Variants in MGAT4C observed in about 807,000 individuals in gnomAD.
The protein encoded by MGAT4C is alpha-1,3-mannosyl-glycoprotein 4-beta-N-acetylglucosaminyltransferase C.
Under a neutral mutation model 40.1 loss-of-function variants are expected in MGAT4C, and 19 were observed. That is an observed-to-expected ratio of 0.47 (90% CI 0.33 to 0.70). The LOEUF (loss-of-function observed/expected upper bound fraction) is 0.70. MGAT4C is among the 30% of genes least tolerant of loss of function. MGAT4C has a pLI of 0.02. For synonymous variants in MGAT4C, 181 were observed against 187.1 expected, an observed-to-expected ratio of 0.97 and a Z score of 0.27; for missense variants, 491 against 563.2, an observed-to-expected ratio of 0.87 and a Z score of 1.30.
At chr12:86,727,746 CTTTT>C (rs1950846473) in intron 1 of MGAT4C, among the ~76,000 whole-genome samples, 1 of 151,770 alleles carries the variant, frequency 6.6e-6, no homozygotes, top group South Asian at 2.1e-4. Context: ...CTTTTTAAAA[CTTTT>C]TATTATTTTC....
At chr12:86,481,550 T>C (rs1335035264) in intron 2 of MGAT4C, among the ~76,000 whole-genome samples, 1 of 152,042 alleles carries the variant, frequency 6.6e-6, no homozygotes, top group Non-Finnish European at 1.5e-5. Flanking sequence ...ATAGCAGTAT[T>C]ATTTGCATAC....
intron 2 of MGAT4C, among the ~76,000 whole-genome samples, chr12:86,707,761 G>A (rs1248118356): frequency 1.3e-5 from 2 of 151,910 alleles, no homozygotes; most frequent in Non-Finnish European, 2.9e-5. Context: ...AAACTCCTGA[G>A]CTCAGGCAAT....
chr12:86,157,902 G>A (rs1364113377), intron 1 of MGAT4C, among the ~76,000 whole-genome samples: 1 of 151,950 alleles, frequency 6.6e-6, no homozygotes, highest in Non-Finnish European at 1.5e-5. Context: ...ATTTGGGTGA[G>A]GACACAGAGC....
chr12:86,461,284 G>A (rs895439255), intron 2 of MGAT4C, among the ~76,000 whole-genome samples: 4 of 147,488 alleles, frequency 2.7e-5, no homozygotes, highest in Non-Finnish European at 4.5e-5. Flanking sequence ...TGTCGCCCAG[G>A]TCGGACTGCG....
chr12:86,359,695 A>C (rs1301389585), intron 3 of MGAT4C, among the ~76,000 whole-genome samples: 1 of 152,230 alleles, frequency 6.6e-6, no homozygotes, highest in African/African-American at 2.4e-5. Context: ...AGAGAATACT[A>C]TAAACACGTC....
chr12:86,643,772 A>T (rs11610682), intron 2 of MGAT4C, among the ~76,000 whole-genome samples: 17,976 of 151,816 alleles, frequency 0.12, 1,743 homozygotes, highest in African/African-American at 0.27. Context: ...TTGTAAAACT[A>T]TATGAATATG....
chr12:86,175,279 C>G (rs1887275715), intron 1 of MGAT4C, among the ~76,000 whole-genome samples: 1 of 152,056 alleles, frequency 6.6e-6, no homozygotes, highest in African/African-American at 2.4e-5. Flanking sequence ...AATAATATGA[C>G]TGGTCTACTT....
At chr12:85,989,581 C>T (rs201266110) in intron 2 of MGAT4C, 29 bp from the exon 3 acceptor site, 4 of 1,548,886 alleles carry the variant, frequency 2.6e-6, no homozygotes, top group Admixed American at 2.0e-5. Context: ...GAATTACTAG[C>T]AGTTGGTTTT....
intron 1 of MGAT4C, among the ~76,000 whole-genome samples, chr12:86,799,903 G>C (rs7953117): frequency 1.3e-5 from 2 of 151,792 alleles, no homozygotes; most frequent in African/African-American, 4.8e-5. Context: ...TTGAGAGTGA[G>C]AGCATCTTCC....
intron 2 of MGAT4C, among the ~76,000 whole-genome samples, chr12:86,652,575 T>C (rs904184314): frequency 3.4e-4 from 52 of 152,004 alleles, no homozygotes; most frequent in African/African-American, 1.1e-3. Flanking sequence ...GGAATGCTGA[T>C]AGACTGAATT....
intron 1 of MGAT4C, among the ~76,000 whole-genome samples, chr12:86,832,194 A>C (rs1345743641): frequency 6.6e-6 from 1 of 151,762 alleles, no homozygotes; most frequent in African/African-American, 2.4e-5. Flanking sequence ...CACCTGGCAA[A>C]GATTTCCCTC....
chr12:86,752,842 C>T (rs1157024402), intron 1 of MGAT4C, among the ~76,000 whole-genome samples: 2 of 152,054 alleles, frequency 1.3e-5, no homozygotes, highest in African/African-American at 2.4e-5. Flanking sequence ...GAACAATTGC[C>T]TATCCATATG....
chr12:86,677,704 G>A (rs1470545537), intron 2 of MGAT4C, among the ~76,000 whole-genome samples: 2 of 151,910 alleles, frequency 1.3e-5, no homozygotes, highest in Admixed American at 6.6e-5. Context: ...ATGGTAAAAC[G>A]AGTTAATGGG....
intron 1 of MGAT4C, among the ~76,000 whole-genome samples, chr12:86,803,823 G>T (rs1291098683): frequency 2.7e-5 from 4 of 150,902 alleles, no homozygotes; most frequent in Non-Finnish European, 4.4e-5. Context: ...TGGTGGGACT[G>T]TAAACTAGTT....
At chr12:86,369,477 T>C (rs1955675758) in intron 3 of MGAT4C, among the ~76,000 whole-genome samples, 1 of 151,948 alleles carries the variant, frequency 6.6e-6, no homozygotes, top group Admixed American at 6.6e-5. Context: ...TTTTTCTTCC[T>C]TTATGTCATT....
chr12:85,981,279 C>G (rs1196917619), intron 4 of MGAT4C, among the ~76,000 whole-genome samples: 1 of 152,148 alleles, frequency 6.6e-6, no homozygotes, highest in African/African-American at 2.4e-5. Context: ...GGTTAGAGGT[C>G]TTTCTATTGA....
intron 1 of MGAT4C, among the ~76,000 whole-genome samples, chr12:86,185,924 C>T (rs1440995661): frequency 6.6e-6 from 1 of 151,714 alleles, no homozygotes; most frequent in Non-Finnish European, 1.5e-5. Flanking sequence ...CCCTCCCCAC[C>T]CCAGAAAAAA....
chr12:86,015,640 G>T (rs916362227), intron 2 of MGAT4C: 1 of 152,330 alleles, frequency 6.6e-6, no homozygotes, highest in African/African-American at 2.4e-5. Context: ...GGAAGAAATA[G>T]AAATCCTTAG....
chr12:86,702,875 C>A (rs1395445531), intron 2 of MGAT4C, among the ~76,000 whole-genome samples: 2 of 152,078 alleles, frequency 1.3e-5, no homozygotes, highest in Non-Finnish European at 2.9e-5. Flanking sequence ...GAGAGAGAAT[C>A]CACTGATAGA....
Sources: gnomAD v4.1 joint callset for allele counts (sites outside exome capture counted in the v4.1 genomes callset) on GRCh38, gnomAD v4.1.1 for gene constraint, MANE v1.5 for transcripts, NCBI Gene and HGNC (gene_info 2026-07-23, HGNC 2026-07-21) for gene names.